Variants in SEMA3E observed in about 807,000 individuals in gnomAD.
SEMA3E encodes semaphorin-3E.
Under a neutral mutation model 93.6 loss-of-function variants are expected in SEMA3E, and 49 were observed. The observed-to-expected ratio is 0.52, with a 90% CI of 0.42 to 0.66. SEMA3E has a LOEUF of 0.66. Ranked by LOEUF, SEMA3E falls within the 30% of genes least tolerant of loss-of-function variation. The pLI is 0.00. For synonymous variants in SEMA3E, 363 were observed against 330.7 expected (o/e 1.10, Z -1.06); for missense variants, 906 against 964.8 (o/e 0.94, Z 0.81).
chr7:83,510,043 C>A (rs931585539), intron 1 of SEMA3E, among the ~76,000 whole-genome samples: 9 of 152,100 alleles, frequency 5.9e-5, no homozygotes, highest in Non-Finnish European at 1.2e-4. Flanking sequence ...AGAAAAAAAT[C>A]TTGCTTGACT....
At chr7:83,404,515 C>T (rs560523809) in intron 9 of SEMA3E, among the ~76,000 whole-genome samples, 34 of 151,988 alleles carry the variant, frequency 2.2e-4, no homozygotes, top group African/African-American at 7.7e-4. Context: ...CTGCACTATG[C>T]CTTACCTGGA....
intron 1 of SEMA3E, among the ~76,000 whole-genome samples, chr7:83,518,624 A>G (rs1790982801): frequency 6.6e-6 from 1 of 152,214 alleles, no homozygotes; most frequent in Non-Finnish European, 1.5e-5. Context: ...ATTAAATTAA[A>G]TGATAATAGT....
chr7:83,479,232 C>T (rs116494896), intron 2 of SEMA3E, among the ~76,000 whole-genome samples: 1,756 of 152,246 alleles, frequency 0.012, 32 homozygotes, highest in African/African-American at 0.04. Flanking sequence ...TTTCTCTGTT[C>T]TCACTCTCAA....
At chr7:83,485,231 A>G (rs1790228622) in intron 2 of SEMA3E, among the ~76,000 whole-genome samples, 1 of 152,218 alleles carries the variant, frequency 6.6e-6, no homozygotes, top group Non-Finnish European at 1.5e-5. Flanking sequence ...CATATGATGG[A>G]ACATATTACA....
At chr7:83,411,586 A>G (rs1158570454) in intron 5 of SEMA3E, among the ~76,000 whole-genome samples, 2 of 152,046 alleles carry the variant, frequency 1.3e-5, no homozygotes, top group Non-Finnish European at 2.9e-5. Context: ...ATATTAATAA[A>G]ACCTTAGGTA....
intron 1 of SEMA3E, among the ~76,000 whole-genome samples, chr7:83,569,789 C>T (rs1346664123): frequency 1.3e-5 from 2 of 152,126 alleles, no homozygotes; most frequent in Admixed American, 1.3e-4. Context: ...CTTCAACACC[C>T]CAGTGACAGC....
chr7:83,587,078 C>A (rs1469969971), intron 1 of SEMA3E, among the ~76,000 whole-genome samples: 1 of 152,102 alleles, frequency 6.6e-6, no homozygotes, highest in East Asian at 1.9e-4. Flanking sequence ...TTATTCCTTT[C>A]TAAAGTTTAC....
chr7:83,503,163 T>C (rs185757999), intron 1 of SEMA3E, among the ~76,000 whole-genome samples: 1 of 152,184 alleles, frequency 6.6e-6, no homozygotes, highest in Non-Finnish European at 1.5e-5. Flanking sequence ...AAATAGGAAA[T>C]TTCACAATTA....
chr7:83,497,834 G>T (rs1790518877), intron 1 of SEMA3E, among the ~76,000 whole-genome samples: 1 of 152,108 alleles, frequency 6.6e-6, no homozygotes, highest in Admixed American at 6.6e-5. Flanking sequence ...AAGTTGCTCA[G>T]TCATAAACCA....
chr7:83,456,225 A>G (rs911525538), intron 4 of SEMA3E, among the ~76,000 whole-genome samples: 1 of 152,182 alleles, frequency 6.6e-6, no homozygotes, highest in African/African-American at 2.4e-5. Context: ...TGTGCTTTAT[A>G]CCTAAAACTC....
At chr7:83,428,802 C>A (rs555402856) in intron 4 of SEMA3E, among the ~76,000 whole-genome samples, 16 of 152,148 alleles carry the variant, frequency 1.1e-4, no homozygotes, top group African/African-American at 3.4e-4. Flanking sequence ...TTAGGAAATA[C>A]TTTTGCATGT....
intron 2 of SEMA3E, among the ~76,000 whole-genome samples, chr7:83,476,474 C>T (rs769901672): frequency 1.6e-4 from 24 of 152,144 alleles, no homozygotes; most frequent in Non-Finnish European, 2.6e-4. Context: ...AAGTTCAACA[C>T]ATGGGGACCC....
At chr7:83,564,226 G>C (rs1036782569) in intron 1 of SEMA3E, among the ~76,000 whole-genome samples, 1 of 152,034 alleles carries the variant, frequency 6.6e-6, no homozygotes, top group East Asian at 1.9e-4. Context: ...TGTTCTGCAA[G>C]AAATTAAAAA....
intron 4 of SEMA3E, among the ~76,000 whole-genome samples, chr7:83,419,404 G>A (rs1460549390): frequency 6.6e-6 from 1 of 152,160 alleles, no homozygotes; most frequent in Non-Finnish European, 1.5e-5. Flanking sequence ...AACACACATT[G>A]TCTTTTTGGT....
chr7:83,554,068 C>T (rs1047998244), intron 1 of SEMA3E, among the ~76,000 whole-genome samples: 2 of 151,864 alleles, frequency 1.3e-5, no homozygotes, highest in African/African-American at 4.8e-5. Flanking sequence ...GTATGTAATG[C>T]TAAAATAATT....
intron 1 of SEMA3E, among the ~76,000 whole-genome samples, chr7:83,492,405 A>G (rs1011514996): frequency 1.3e-5 from 2 of 152,000 alleles, no homozygotes; most frequent in African/African-American, 2.4e-5. Context: ...ACTTGCTTTT[A>G]TGACTTACCA....
intron 1 of SEMA3E, among the ~76,000 whole-genome samples, chr7:83,498,418 T>A (rs575009257): frequency 6.6e-6 from 1 of 152,296 alleles, no homozygotes; most frequent in Non-Finnish European, 1.5e-5. Context: ...TTAGTATCCA[T>A]TTTATTTATG....
chr7:83,608,525 C>A (rs1793175718), intron 1 of SEMA3E, among the ~76,000 whole-genome samples: 1 of 151,964 alleles, frequency 6.6e-6, no homozygotes, highest in Non-Finnish European at 1.5e-5. Flanking sequence ...ATATATAATT[C>A]TGAGCTTCAC....
At chr7:83,601,305 A>G (rs1042786114) in intron 1 of SEMA3E, among the ~76,000 whole-genome samples, 3 of 152,240 alleles carry the variant, frequency 2.0e-5, no homozygotes, top group African/African-American at 7.2e-5. Context: ...AAACTAATAC[A>G]AGAGTCAACA....
Sources: allele counts gnomAD v4.1 joint callset (sites outside exome capture counted in the v4.1 genomes callset), GRCh38; gene constraint gnomAD v4.1.1; transcripts MANE v1.5; gene names NCBI Gene and HGNC (gene_info 2026-07-23, HGNC 2026-07-21).